WSB1: variants seen among roughly 807,000 people sequenced by gnomAD.
WSB1 encodes the protein WD repeat and SOCS box containing 1.
A neutral mutation model predicts 50.2 loss-of-function variants in WSB1; 23 were observed. That is an observed-to-expected ratio of 0.46 (90% CI 0.33 to 0.65). WSB1 has a LOEUF of 0.65. Ranked by LOEUF, WSB1 falls within the 30% of genes least tolerant of loss-of-function variation. WSB1 has a pLI of 0.02. For synonymous variants in WSB1, 179 were observed against 172.0 expected, an observed-to-expected ratio of 1.04 and a Z score of -0.32; for missense variants, 492 against 522.3, an observed-to-expected ratio of 0.94 and a Z score of 0.56.
intron 1 of WSB1, among the ~76,000 whole-genome samples, chr17:27,299,116 A>T (rs1231858894): frequency 4.6e-5 from 7 of 152,250 alleles, no homozygotes; most frequent in Admixed American, 4.6e-4. Context: ...ATAAGGCTGT[A>T]GGTTTGGGAA....
chr17:27,295,034 T>A (rs1373509066), intron 1 of WSB1, among the ~76,000 whole-genome samples: 1 of 152,130 alleles, frequency 6.6e-6, no homozygotes, highest in Admixed American at 6.6e-5. Flanking sequence ...GAAGGAAAGC[T>A]TTTGTGCGGA....
chr17:27,305,029 C>G (rs2017391678), intron 4 of WSB1, 118 bp downstream of exon 4: 4 of 1,331,614 alleles, frequency 3.0e-6, no homozygotes, highest in Non-Finnish European at 4.2e-6. Flanking sequence ...AGTTCCTTTT[C>G]TCTGCCTTAA....
intron 2 of WSB1, 110 bp from the exon 3 acceptor site, chr17:27,303,257 T>C (rs1169384487): frequency 3.3e-6 from 4 of 1,205,908 alleles, no homozygotes; most frequent in Non-Finnish European, 4.6e-6. Flanking sequence ...TTATTTGGTG[T>C]CATTATAATA....
rs1380280867 is a variant in WSB1, at chr17:27,310,167, G to C, written c.991G>C (p.Asp331His). The C allele has an allele frequency of 6.2e-7, 1 of 1,613,720 alleles. No homozygotes were observed. The highest frequency in any genetic ancestry group is 1.7e-5 in the Admixed American group (1 of 60,026). The change falls in exon 7 of 9, where the codon GAT becomes CAT. Residue 331 changes from aspartate to histidine, a missense_variant. Transcript: ENST00000262394. Reference sequence around the variant, plus strand: ...TGGACTGCATGTTGCAAGCCTTGCTGATGATAAGTAAGTATGTGCATTATA... The same window carrying C: ...TGGACTGCATGTTGCAAGCCTTGCTCATGATAAGTAAGTATGTGCATTATA... ...HDGLHVASLA[D>H]DKMVRFWRID... is the part of the protein sequence containing the mutation.
At chr17:27,297,034 T>A (rs1271922583) in intron 1 of WSB1, among the ~76,000 whole-genome samples, 1 of 152,234 alleles carries the variant, frequency 6.6e-6, no homozygotes, top group African/African-American at 2.4e-5. Context: ...TGCATTTATT[T>A]GGTAGGTTTT....
chr17:27,309,374 A>C, intron 6 of WSB1, 102 bp downstream of exon 6: 2 of 1,018,284 alleles, frequency 2.0e-6, no homozygotes, highest in East Asian at 2.5e-5. Flanking sequence ...ATTACAGTCT[A>C]TTCTAATTTA....
At chr17:27,297,430 A>G (rs925611817) in intron 1 of WSB1, 1 of 151,290 alleles carries the variant, frequency 6.6e-6, no homozygotes, top group Non-Finnish European at 1.5e-5. Context: ...CGGCCTCCCA[A>G]AGTGCTGGGA....
chr17:27,311,631 CTCTTTTTTTTTTTTTT>C lies in WSB1; in HGVS notation c.1106+17_1106+32del. The stretch of plus-strand genomic sequence containing the variant: ...TTAGCTGCTGGGTAAATATATTTTT[CTCTTTTTTTTTTTTTT>C]TTTTTTTTTTTTGAGATGTAGTCTC... On this transcript the variant is annotated intron_variant, in intron 8 of 8. Transcript: ENST00000262394. 1 of 537,248 alleles carries C rather than the reference CTCTTTTTTTTTTTTTT, an allele frequency of 1.9e-6. No individual in the cohort carries two copies. The highest frequency in any genetic ancestry group is 4.2e-5 in the East Asian group (1 of 23,836). The allele number at this position is 537,248 out of a possible 1,614,324, so 33.3% of individuals were successfully genotyped here.
At position 27,309,138 on chromosome 17, in the gene WSB1, G is replaced by A. The variant is rs750298545; in HGVS notation, c.750G>A (p.Arg250=). 2.5e-6 allele frequency: 4 copies of A among 1,612,012 alleles called. No homozygotes were observed. The South Asian group carries it at 4.4e-5, about 18-fold the overall frequency. The stretch of plus-strand genomic sequence containing the variant: ...ATATGGATAAATACACCATGATACG[G>A]AAACTAGAAGGACATCACCATGATG... ...LWNMDKYTMI[R]KLEGHHHDVV... is the part of the protein sequence containing the mutation. Residue 250 remains arginine, a synonymous_variant, in exon 6 of 9, where the codon CGG becomes CGA. Transcript: ENST00000262394.
At chr17:27,302,934 G>A (rs889441173) in intron 2 of WSB1, 3 of 166,076 alleles carry the variant, frequency 1.8e-5, no homozygotes, top group African/African-American at 7.2e-5. Context: ...GGAACCTATG[G>A]GAAACTGATC....
intron 7 of WSB1, among the ~76,000 whole-genome samples, chr17:27,311,148 A>T (rs1451583960): frequency 6.6e-6 from 1 of 152,112 alleles, no homozygotes; most frequent in Non-Finnish European, 1.5e-5. Flanking sequence ...TACCAGGCCC[A>T]CCTAGCTTTT....
Position 27,315,238 on chromosome 17 carries a change from T to C in WSB1, c.*2869T>C, listed in dbSNP as rs1478430511. 1 of 152,232 alleles carries C rather than the reference T, an allele frequency of 6.6e-6. No homozygotes were observed. Among genetic ancestry groups the C allele is most frequent in the African/African-American group, 2.4e-5 (1 of 41,464 alleles). 9.4% of individuals were successfully genotyped at this position (152,232 alleles called of 1,614,324 possible). A position where few individuals can be genotyped will look rare whatever the true frequency, so the allele number is the denominator to read the frequency against. ...GAAAATGACACTGCCTCTCCTATTT[T>C]GCCACAAGCCTGTCATTTGGAGAAC... On this transcript the variant is annotated 3_prime_UTR_variant, in exon 9 of 9. Transcript: ENST00000262394.
At chr17:27,312,022 AAT>A (rs2017704809) in intron 8 of WSB1, among the ~76,000 whole-genome samples, 186 bp from the exon 9 acceptor site, 1 of 152,176 alleles carries the variant, frequency 6.6e-6, no homozygotes, top group African/African-American at 2.4e-5. Flanking sequence ...GTAAAACTCT[AAT>A]AAGTGTTCTT....
intron 6 of WSB1, 98 bp downstream of exon 6, chr17:27,309,370 GTCTAT>G (rs2017579607): frequency 9.6e-6 from 10 of 1,037,836 alleles, no homozygotes; most frequent in Non-Finnish European, 1.1e-5. Flanking sequence ...TAAAATTACA[GTCTAT>G]TCTAATTTAA....
chr17:27,315,487 T>C lies in WSB1; in HGVS notation c.*3118T>C, dbSNP rs1278733358. The stretch of plus-strand genomic sequence containing the variant: ...GCAGTTGGATTCAACTGGTTTACAC[T>C]GCTCTTGGGTCGGCAAGACCAAAAA... On this transcript the variant is annotated 3_prime_UTR_variant, in exon 9 of 9. Coordinates refer to ENST00000262394, the MANE Select transcript of WSB1 (RefSeq NM_015626.10). 6.6e-6 allele frequency: 1 copy of C among 152,252 alleles called. No homozygotes were observed. The highest frequency in any genetic ancestry group is 2.4e-5 in the African/African-American group (1 of 41,464). 9.4% of individuals were successfully genotyped at this position (152,252 alleles called of 1,614,324 possible). A position where few individuals can be genotyped will look rare whatever the true frequency, so the allele number is the denominator to read the frequency against.
Position 27,304,820 on chromosome 17 carries a change from C to G in WSB1, c.519C>G (p.Val173=). Residue 173 remains valine, a synonymous_variant, in exon 4 of 9, where the codon GTC becomes GTG. Coordinates refer to ENST00000262394, the MANE Select transcript of WSB1 (RefSeq NM_015626.10). ...ACTTGGTAGATCATACTGAAGTGGT[C>G]AGAGATTTAACTTTTGCTCCAGATG... The part of the protein sequence containing the change: ...LLNLVDHTEV[V]RDLTFAPDGS... 6.2e-7 allele frequency: 1 copy of G among 1,613,886 alleles called. No individual in the cohort carries two copies. The highest frequency in any genetic ancestry group is 8.5e-7 in the Non-Finnish European group (1 of 1,179,952).
At chr17:27,305,437 T>TA (rs2017408746) in intron 4 of WSB1, among the ~76,000 whole-genome samples, 1 of 152,256 alleles carries the variant, frequency 6.6e-6, no homozygotes, top group African/African-American at 2.4e-5. Flanking sequence ...AATAGAAAGA[T>TA]ACGTTGGTGT....
chr17:27,310,589 G>C (rs1183813236), intron 7 of WSB1, among the ~76,000 whole-genome samples: 1 of 152,228 alleles, frequency 6.6e-6, no homozygotes, highest in Non-Finnish European at 1.5e-5. Flanking sequence ...GATATGTGCT[G>C]CTTGTTGGTA....
chr17:27,313,519 T>A lies in WSB1; in HGVS notation c.*1150T>A, dbSNP rs757282808. On this transcript the variant is annotated 3_prime_UTR_variant, in exon 9 of 9. Coordinates refer to ENST00000262394, the MANE Select transcript of WSB1 (RefSeq NM_015626.10). ...AGAAGCAATACAGCATATCTGCTTT[T>A]GCCTTCTGTTGTTTATCTTACCTGC... The A allele has an allele frequency of 1.3e-5, 2 of 152,574 alleles. No homozygotes were observed. Among genetic ancestry groups the A allele is most frequent in the Non-Finnish European group, 2.9e-5 (2 of 68,034 alleles). 9.5% of individuals were successfully genotyped at this position (152,574 alleles called of 1,614,324 possible).
Sources: gnomAD v4.1 joint callset for allele counts (sites outside exome capture counted in the v4.1 genomes callset) on GRCh38, gnomAD v4.1.1 for gene constraint, MANE v1.5 for transcripts, NCBI Gene and HGNC (gene_info 2026-07-23, HGNC 2026-07-21) for gene names.